The following NALF1 variants were observed in gnomAD, a reference collection of about 807,000 sequenced individuals.
NALF1 encodes NALCN channel auxiliary factor 1, also known as family with sequence similarity 155 member A.
In NALF1, 3 loss-of-function variants were observed where a neutral mutation model predicts 48.4. That is an observed-to-expected ratio of 0.06 (90% CI 0.03 to 0.16). NALF1 has a LOEUF of 0.16. Ranked by LOEUF, NALF1 falls within the 10% of genes least tolerant of loss-of-function variation. NALF1 has a pLI of 1.00. For missense variants in NALF1, 526 were observed against 571.5 expected (o/e 0.92, Z 0.81); for synonymous variants, 262 against 245.7 (o/e 1.07, Z -0.62).
intron 1 of NALF1, among the ~76,000 whole-genome samples, chr13:107,779,460 C>T (rs1877824956): frequency 6.6e-6 from 1 of 152,182 alleles, no homozygotes; most frequent in Non-Finnish European, 1.5e-5. Context: ...AAATCGGATC[C>T]AGTGGCTTTC....
chr13:107,232,008 A>G (rs1880236591), intron 1 of NALF1, among the ~76,000 whole-genome samples: 1 of 152,226 alleles, frequency 6.6e-6, no homozygotes, highest in South Asian at 2.1e-4. Flanking sequence ...TGGAATTACT[A>G]TGAAAGTTAG....
chr13:107,368,480 A>G (rs1883190853), intron 1 of NALF1, among the ~76,000 whole-genome samples: 1 of 152,014 alleles, frequency 6.6e-6, no homozygotes, highest in Non-Finnish European at 1.5e-5. Context: ...CTCTGGAAAA[A>G]GCTCAAAGTA....
chr13:107,771,321 T>G (rs1877570184), intron 1 of NALF1, among the ~76,000 whole-genome samples: 1 of 151,930 alleles, frequency 6.6e-6, no homozygotes. Flanking sequence ...ATTGAAAATA[T>G]AAATAAATTG....
intron 1 of NALF1, among the ~76,000 whole-genome samples, chr13:107,467,769 G>A (rs1052868113): frequency 7.9e-5 from 12 of 152,250 alleles, no homozygotes; most frequent in East Asian, 7.7e-4. Flanking sequence ...GGCCGGGTGC[G>A]GTGGCCCACG....
At chr13:107,245,438 G>C (rs4771563) in intron 1 of NALF1, among the ~76,000 whole-genome samples, 52,497 of 152,028 alleles carry the variant, frequency 0.35, 9,296 homozygotes, top group East Asian at 0.52. Context: ...AGGCCTCCAA[G>C]TTATCTGGCT....
At chr13:107,361,775 T>A (rs1883064601) in intron 1 of NALF1, among the ~76,000 whole-genome samples, 1 of 152,178 alleles carries the variant, frequency 6.6e-6, no homozygotes, top group African/African-American at 2.4e-5. Flanking sequence ...GTTAAGCCAT[T>A]ATCAAATACA....
intron 1 of NALF1, among the ~76,000 whole-genome samples, chr13:107,625,606 A>C (rs1292007397): frequency 6.6e-6 from 1 of 152,210 alleles, no homozygotes; most frequent in East Asian, 1.9e-4. Flanking sequence ...ATAAGTTATA[A>C]GGTCTTATTT....
chr13:107,792,765 G>A (rs1594270215), intron 1 of NALF1, among the ~76,000 whole-genome samples: 1 of 152,132 alleles, frequency 6.6e-6, no homozygotes, highest in Non-Finnish European at 1.5e-5. Context: ...GTTTTATAAT[G>A]TACCCAAAAT....
intron 1 of NALF1, among the ~76,000 whole-genome samples, chr13:107,824,887 T>G (rs1879466704): frequency 6.6e-6 from 1 of 152,226 alleles, no homozygotes; most frequent in Admixed American, 6.5e-5. Context: ...GTTTGCCACT[T>G]CACTGGCCAA....
intron 1 of NALF1, among the ~76,000 whole-genome samples, chr13:107,244,618 C>T (rs1880542249): frequency 6.6e-6 from 1 of 152,180 alleles, no homozygotes; most frequent in East Asian, 1.9e-4. Flanking sequence ...ATTACCCCCT[C>T]CCTTTAGTCT....
At chr13:107,476,663 T>A (rs1414126620) in intron 1 of NALF1, among the ~76,000 whole-genome samples, 1 of 152,154 alleles carries the variant, frequency 6.6e-6, no homozygotes, top group East Asian at 1.9e-4. Context: ...ATTAGTTCTA[T>A]TTATAAATAC....
intron 1 of NALF1, among the ~76,000 whole-genome samples, chr13:107,320,533 A>G (rs145517884): frequency 2.8e-4 from 42 of 152,254 alleles, no homozygotes; most frequent in African/African-American, 1.0e-3. Context: ...ACAGTTAATC[A>G]TGATGAACCT....
intron 1 of NALF1, among the ~76,000 whole-genome samples, chr13:107,849,960 T>G (rs985441970): frequency 6.6e-6 from 1 of 152,228 alleles, no homozygotes; most frequent in African/African-American, 2.4e-5. Context: ...AGGCTAATAC[T>G]TTTAGTAATT....
chr13:107,632,873 G>T (rs368935006), intron 1 of NALF1, among the ~76,000 whole-genome samples: 3 of 146,114 alleles, frequency 2.1e-5, no homozygotes, highest in East Asian at 4.1e-4. Context: ...AGAAAAAGAC[G>T]GAAATGAAGG....
chr13:107,609,015 T>TG (rs1401977578), intron 1 of NALF1, among the ~76,000 whole-genome samples: 1 of 152,170 alleles, frequency 6.6e-6, no homozygotes, highest in Non-Finnish European at 1.5e-5. Context: ...GGCTGGGCCC[T>TG]GCAGGGTCAA....
intron 1 of NALF1, among the ~76,000 whole-genome samples, chr13:107,331,565 C>A (rs1882469230): frequency 6.6e-6 from 1 of 152,244 alleles, no homozygotes; most frequent in Non-Finnish European, 1.5e-5. Context: ...ATTACTTTTG[C>A]ACCAATCTAA....
chr13:107,186,257 G>C lies in NALF1; in HGVS notation c.1088-15471C>G, dbSNP rs1879169601. Among the ~76,000 whole-genome samples the C allele has an allele frequency of 1.3e-5, 2 of 152,188 alleles. 1 individual carries two copies. Among genetic ancestry groups the C allele is most frequent in the South Asian group, 4.1e-4 (2 of 4,822 alleles). On this transcript the variant is annotated intron_variant, in intron 2 of 2. Coordinates refer to ENST00000375915, the MANE Select transcript of NALF1 (RefSeq NM_001080396.3). ...CCCACACAGATGAGAGGGGACTACT[G>C]TATCTGTGAACTGCCTGTTCAAGGT...
chr13:107,613,797 T>C (rs1225651706), intron 1 of NALF1, among the ~76,000 whole-genome samples: 2 of 152,192 alleles, frequency 1.3e-5, no homozygotes, highest in South Asian at 2.1e-4. Context: ...GGAAACAACA[T>C]AGAATGTAGA....
intron 1 of NALF1, among the ~76,000 whole-genome samples, chr13:107,267,907 C>A (rs1881074511): frequency 6.6e-6 from 1 of 151,806 alleles, no homozygotes; most frequent in Non-Finnish European, 1.5e-5. Context: ...CAGGACAGAG[C>A]CAGATGATGT....
Sources: allele counts gnomAD v4.1 joint callset (sites outside exome capture counted in the v4.1 genomes callset), GRCh38; gene constraint gnomAD v4.1.1; transcripts MANE v1.5; gene names NCBI Gene and HGNC (gene_info 2026-07-23, HGNC 2026-07-21).